KIF1A: variants seen among roughly 807,000 people sequenced by gnomAD.
The protein encoded by KIF1A is kinesin family member 1A, also known as kinesin-like protein KIF1A.
A neutral mutation model predicts 227.3 loss-of-function variants in KIF1A; 46 were observed. The ratio of observed to expected loss-of-function variants is 0.20; its 90% CI spans 0.16 to 0.26. The LOEUF is 0.26. KIF1A is among the 10% of genes least tolerant of loss of function. The pLI is 1.00. For missense variants in KIF1A, 1,683 were observed against 2,485.9 expected (o/e 0.68, Z 6.87); for synonymous variants, 1,022 against 1,012.8 (o/e 1.01, Z -0.17).
chr2:240,812,767 T>TCGGGGA (rs1177984508), intron 1 of KIF1A, among the ~76,000 whole-genome samples: 3 of 146,012 alleles, frequency 2.1e-5, no homozygotes, highest in Admixed American at 6.8e-5. Context: ...CGCCTTCACC[T>TCGGGGA]TGGGATCTGC....
intron 27 of KIF1A, among the ~76,000 whole-genome samples, chr2:240,753,204 G>A (rs565582543): frequency 6.6e-6 from 1 of 152,300 alleles, no homozygotes; most frequent in South Asian, 2.1e-4. Flanking sequence ...TAGCTCTCAG[G>A]GTCTCACACT....
At chr2:240,734,670 G>T in intron 38 of KIF1A, 1 of 1,291,564 alleles carries the variant, frequency 7.7e-7, no homozygotes, top group Non-Finnish European at 1.0e-6. Flanking sequence ...AGGGAGGAAA[G>T]AAGAGGCTGA....
At chr2:240,748,635 T>G (rs1166861952) in intron 28 of KIF1A, 1 of 265,332 alleles carries the variant, frequency 3.8e-6, no homozygotes, top group Non-Finnish European at 8.1e-6. Context: ...CCAGCTTCCC[T>G]GAGTATTGCA....
chr2:240,760,674 TC>T lies in KIF1A; in HGVS notation c.2434del (p.Glu812ArgfsTer9). On this transcript the variant is annotated frameshift_variant, in exon 25 of 49. Coordinates refer to ENST00000498729, the MANE Select transcript of KIF1A (RefSeq NM_001244008.2). LOFTEE classifies it high-confidence loss of function. ...GGCCCTCCAGCCCCACCTGAGCTTCTCCAGCGTCCAGTAGTGGGTGGCCCCG... is the reference window on the plus strand; with the variant it reads ...GGCCCTCCAGCCCCACCTGAGCTTCTCAGCGTCCAGTAGTGGGTGGCCCCG... ...KNGATHYWTL[E>X]KLRQRLDLMR... 1 of 1,525,680 alleles carries T rather than the reference TC, an allele frequency of 6.6e-7. No individual in the cohort carries two copies. Among genetic ancestry groups the T allele is most frequent in the Non-Finnish European group, 8.8e-7 (1 of 1,134,338 alleles). 94.5% of individuals were successfully genotyped at this position (1,525,680 alleles called of 1,614,324 possible).
At chr2:240,781,884 T>A in intron 10 of KIF1A, 1 of 985,278 alleles carries the variant, frequency 1.0e-6, no homozygotes, top group Non-Finnish European at 1.2e-6. Context: ...GTGTTCTTAG[T>A]CTCTTGGAAC....
In KIF1A at chr2:240,790,450, A is replaced by G. The variant is rs943696719; in HGVS notation, c.107-1138T>C. ...CCAGCGTGGGCTGGGGGCCAGCGGCACAGCCTCCAGTATGCCCGCACCCTC... is the reference window on the plus strand; with the variant it reads ...CCAGCGTGGGCTGGGGGCCAGCGGCGCAGCCTCCAGTATGCCCGCACCCTC... On this transcript the variant is annotated intron_variant, in intron 2 of 48. Transcript: ENST00000498729. This position sits in a 1 kb window ranked among gnomAD's most constrained non-coding sequence, Gnocchi z 5.0. Among the ~76,000 whole-genome samples, 2 of 152,042 alleles carry G rather than the reference A, an allele frequency of 1.3e-5. No individual in the cohort carries two copies. The highest frequency in any genetic ancestry group is 4.8e-5 in the African/African-American group (2 of 41,398).
Position 240,746,112 on chromosome 2 carries a change from G to T in KIF1A, c.3129C>A (p.Arg1043=). The T allele has an allele frequency of 6.3e-7, 1 of 1,581,876 alleles. No individual in the cohort carries two copies. Among genetic ancestry groups the T allele is most frequent in the Non-Finnish European group, 8.6e-7 (1 of 1,164,564 alleles). The part of the protein sequence containing the change: ...SRSGTSQEEL[R]IVEGQGQGAD... The stretch of plus-strand genomic sequence containing the variant: ...CACCCTGGCCCTGGCCCTCCACGAT[G>T]CGAAGCTCTTCCTGGGAGGTTCCCG... The change falls in exon 30 of 49, where the codon CGC becomes CGA. Residue 1043 remains arginine, a synonymous_variant. Coordinates refer to ENST00000498729, the MANE Select transcript of KIF1A (RefSeq NM_001244008.2).
In KIF1A at chr2:240,757,298, G is replaced by A. The variant is rs1284493027; in HGVS notation, c.2858+21C>T. The A allele has an allele frequency of 4.5e-6, 7 of 1,547,096 alleles. No individual in the cohort carries two copies. The highest frequency in any genetic ancestry group is 6.1e-6 in the Non-Finnish European group (7 of 1,144,142). On this transcript the variant is annotated intron_variant, in intron 27 of 48. Coordinates refer to ENST00000498729, the MANE Select transcript of KIF1A (RefSeq NM_001244008.2). The surrounding 1 kb of genome is among the most constrained non-coding windows in gnomAD (Gnocchi z 6.2). ...AAAAGAGCTGGGTCCTCCCCAGCAT[G>A]CTCTCCTCGACCTCACCAACCTTCC...
intron 32 of KIF1A, among the ~76,000 whole-genome samples, chr2:240,744,434 A>T (rs973983063): frequency 6.6e-6 from 1 of 152,142 alleles, no homozygotes; most frequent in Admixed American, 6.5e-5. Context: ...ATGTCCCCTC[A>T]CCAAATTCGT....
chr2:240,801,331 A>G (rs1447825019), intron 1 of KIF1A, among the ~76,000 whole-genome samples: 4 of 152,188 alleles, frequency 2.6e-5, no homozygotes, highest in Non-Finnish European at 5.9e-5. Context: ...ATCAAATGGA[A>G]ATGCTAGATC....
chr2:240,735,695 G>T (rs1463449081), intron 38 of KIF1A, among the ~76,000 whole-genome samples: 1 of 152,094 alleles, frequency 6.6e-6, no homozygotes, highest in Non-Finnish European at 1.5e-5. Context: ...CGCCCGTGCT[G>T]GGGGCTCCAG....
intron 38 of KIF1A, among the ~76,000 whole-genome samples, chr2:240,728,030 C>G (rs956859687): frequency 1.3e-5 from 2 of 152,210 alleles, no homozygotes; most frequent in Admixed American, 1.3e-4. Flanking sequence ...CAAGCATCCT[C>G]GCAAGGACAC....
intron 27 of KIF1A, among the ~76,000 whole-genome samples, chr2:240,750,856 C>T (rs949640291): frequency 6.6e-6 from 1 of 152,178 alleles, no homozygotes; most frequent in African/African-American, 2.4e-5. Context: ...AGGTTTCAGC[C>T]TGCTTCAAGG....
At chr2:240,806,528 T>TTTACTAAA in intron 1 of KIF1A, among the ~76,000 whole-genome samples, 1 of 152,172 alleles carries the variant, frequency 6.6e-6, no homozygotes, top group East Asian at 1.9e-4. Flanking sequence ...CTGCAGGTGG[T>TTTACTAAA]CTACTCTAGA....
intron 38 of KIF1A, chr2:240,728,517 G>A: frequency 1.4e-6 from 1 of 690,512 alleles, no homozygotes; most frequent in East Asian, 6.6e-5. Flanking sequence ...TAAGAGTTCG[G>A]CAGGTGCACG....
In KIF1A at chr2:240,757,051, G is replaced by A. The variant is rs544569844; in HGVS notation, c.2858+268C>T. Among the ~76,000 whole-genome samples, 7 of 152,316 alleles carry A rather than the reference G, an allele frequency of 4.6e-5. No homozygotes were observed. Among genetic ancestry groups the A allele is most frequent in the East Asian group, 1.9e-4 (1 of 5,178 alleles). The stretch of plus-strand genomic sequence containing the variant: ...GCCTGGGGCCACAGCTGCAAGCTCC[G>A]GGGTGCACTACCTCTTCTGTACCTG... On this transcript the variant is annotated intron_variant, in intron 27 of 48. Coordinates refer to ENST00000498729, the MANE Select transcript of KIF1A (RefSeq NM_001244008.2). The surrounding 1 kb of genome is among the most constrained non-coding windows in gnomAD (Gnocchi z 6.2).
intron 22 of KIF1A, 96 bp from the exon 23 acceptor site, chr2:240,762,908 T>C (rs539726728): frequency 3.6e-6 from 5 of 1,406,276 alleles, no homozygotes; most frequent in African/African-American, 1.4e-5. Flanking sequence ...TCCCACTGTT[T>C]AGATGCAAGA....
rs953238787 is a variant in KIF1A at position 240,778,656 on chromosome 2, G to A, written c.883-2730C>T. On this transcript the variant is annotated intron_variant, in intron 10 of 48. Transcript: ENST00000498729. The surrounding 1 kb of genome is among the most constrained non-coding windows in gnomAD (Gnocchi z 7.2). ...CACCCCCTTCCACACACTTCCTCCC[G>A]GTTCCCACAGCTCCACGCGGCGCCC... is the stretch of plus-strand genomic sequence containing the variant. Among the ~76,000 whole-genome samples, 11 of 125,150 alleles carry A rather than the reference G, an allele frequency of 8.8e-5. No homozygotes were observed. Among genetic ancestry groups the A allele is most frequent in the Non-Finnish European group, 4.9e-5 (3 of 60,914 alleles). The allele number at this position is 125,150 out of a possible 152,430, so 82.1% of individuals were successfully genotyped here.
chr2:240,767,521 C>T (rs971415003), intron 17 of KIF1A, among the ~76,000 whole-genome samples, 176 bp from the exon 18 acceptor site: 6 of 152,260 alleles, frequency 3.9e-5, no homozygotes, highest in Admixed American at 2.6e-4. Flanking sequence ...ACACAGAAAG[C>T]TCAAGCCGAA....
Sources: allele counts gnomAD v4.1 joint callset (sites outside exome capture counted in the v4.1 genomes callset), GRCh38; gene constraint gnomAD v4.1.1; non-coding constraint Gnocchi (gnomAD v3.1); transcripts MANE v1.5; gene names NCBI Gene and HGNC (gene_info 2026-07-23, HGNC 2026-07-21).